The following LRP1B variants were observed in gnomAD, a reference collection of about 807,000 sequenced individuals.
The protein encoded by LRP1B is low-density lipoprotein receptor-related protein 1B.
Under a neutral mutation model 556.6 loss-of-function variants are expected in LRP1B, and 217 were observed. The observed-to-expected ratio is 0.39, with a 90% CI of 0.35 to 0.44. The LOEUF (loss-of-function observed/expected upper bound fraction) is 0.44, where lower values mean the gene tolerates loss of function less well. Among genes scored for constraint, LRP1B ranks in the 20% least tolerant of loss-of-function variants. The pLI, the probability that LRP1B is intolerant of heterozygous loss-of-function variation, is 1.00. For synonymous variants in LRP1B, 2,047 were observed against 1,865.8 expected, an observed-to-expected ratio of 1.10 and a Z score of -2.50; for missense variants, 5,053 against 5,620.8, an observed-to-expected ratio of 0.90 and a Z score of 3.23.
intron 1 of LRP1B, among the ~76,000 whole-genome samples, chr2:141,961,781 T>C (rs1208477370): frequency 6.6e-6 from 1 of 151,698 alleles, no homozygotes; most frequent in Non-Finnish European, 1.5e-5. Context: ...TTAAAAAATT[T>C]AGATCTCTGT....
rs564834485 is a variant in LRP1B, at chr2:140,528,691, C to T, written c.7763-2341G>A. Among the ~76,000 whole-genome samples the T allele has an allele frequency of 3.3e-5, 5 of 151,560 alleles. No individual in the cohort carries two copies. In the East Asian group the frequency reaches 7.8e-4, roughly 24 times the overall value. ...TTAGACAGGGTGATGAAAGTTGTTG[C>T]AGAGTTTTGTAAGCAGTAGGAGCAA... On this transcript the variant is annotated intron_variant, in intron 47 of 90. Transcript: ENST00000389484.
chr2:141,028,311 T>C (rs1698272737), intron 11 of LRP1B, among the ~76,000 whole-genome samples: 1 of 151,688 alleles, frequency 6.6e-6, no homozygotes, highest in Non-Finnish European at 1.5e-5. Flanking sequence ...TAATAACTTA[T>C]TCATATAAGT....
intron 17 of LRP1B, among the ~76,000 whole-genome samples, chr2:140,983,737 A>G (rs1696840147): frequency 6.6e-6 from 1 of 152,062 alleles, no homozygotes; most frequent in Admixed American, 6.6e-5. Flanking sequence ...AAAATTAGAA[A>G]TATCAGGAAA....
intron 2 of LRP1B, among the ~76,000 whole-genome samples, chr2:141,512,952 G>T (rs569439696): frequency 6.6e-6 from 1 of 151,960 alleles, no homozygotes; most frequent in East Asian, 1.9e-4. Flanking sequence ...ATACATTACC[G>T]CATTAAAGAA....
chr2:141,398,620 G>A (rs1282055241), intron 3 of LRP1B, among the ~76,000 whole-genome samples: 1 of 152,132 alleles, frequency 6.6e-6, no homozygotes, highest in Admixed American at 6.5e-5. Flanking sequence ...AGACTCTGGA[G>A]AGAAAATTAA....
chr2:141,878,788 C>A (rs1369535), intron 1 of LRP1B, among the ~76,000 whole-genome samples: 26,388 of 151,784 alleles, frequency 0.17, 2,652 homozygotes, highest in East Asian at 0.34. Flanking sequence ...ATGAATAGTA[C>A]TCTATCTTAC....
intron 2 of LRP1B, among the ~76,000 whole-genome samples, chr2:141,712,958 G>A (rs1274727778): frequency 6.6e-6 from 1 of 150,958 alleles, no homozygotes; most frequent in African/African-American, 2.4e-5. Context: ...GATTACAGGT[G>A]TGAGCCACGA....
At chr2:141,548,797 C>T (rs1354570516) in intron 2 of LRP1B, among the ~76,000 whole-genome samples, 2 of 152,046 alleles carry the variant, frequency 1.3e-5, no homozygotes, top group Admixed American at 1.3e-4. Flanking sequence ...ATAAGACATC[C>T]AGTATTTATG....
chr2:140,528,067 A>G (rs1217659391), intron 47 of LRP1B, among the ~76,000 whole-genome samples: 1 of 151,866 alleles, frequency 6.6e-6, no homozygotes, highest in Non-Finnish European at 1.5e-5. Context: ...CACCATCACA[A>G]TCTGCCTCCA....
intron 35 of LRP1B, among the ~76,000 whole-genome samples, chr2:140,738,682 C>T (rs550319342): frequency 1.5e-4 from 23 of 152,270 alleles, no homozygotes; most frequent in Admixed American, 1.4e-3. Context: ...CCTTTCTCCT[C>T]CACAGGTGTC....
At chr2:141,525,709 T>C (rs1005693622) in intron 2 of LRP1B, among the ~76,000 whole-genome samples, 1 of 151,966 alleles carries the variant, frequency 6.6e-6, no homozygotes, top group Non-Finnish European at 1.5e-5. Flanking sequence ...TCACTGGTCA[T>C]AGGAGAAAAT....
rs557147080 is a variant in LRP1B at position 141,226,636 on chromosome 2, A to G, written c.850+2547T>C. The stretch of plus-strand genomic sequence containing the variant: ...AAACAGTGGATAGTGACAGGTATTC[A>G]GGCTGACTTCCATCAGTTCATTATT... On this transcript the variant is annotated intron_variant, in intron 6 of 90. Transcript: ENST00000389484. Among the ~76,000 whole-genome samples the G allele has an allele frequency of 6.6e-5, 10 of 152,316 alleles. No individual in the cohort carries two copies. In the South Asian group the frequency reaches 1.9e-3, roughly 28 times the overall value.
At chr2:141,748,505 G>T (rs1693992374) in intron 2 of LRP1B, among the ~76,000 whole-genome samples, 1 of 152,098 alleles carries the variant, frequency 6.6e-6, no homozygotes, top group Admixed American at 6.6e-5. Context: ...AGTGCCTCTG[G>T]GCAAGGCACT....
At chr2:141,049,254 T>C (rs527332363) in intron 10 of LRP1B, 32 bp from the exon 11 acceptor site, 1 of 1,369,446 alleles carries the variant, frequency 7.3e-7, no homozygotes, top group East Asian at 2.3e-5. Context: ...CACAAACAAC[T>C]GATGCTGCTT....
intron 1 of LRP1B, among the ~76,000 whole-genome samples, chr2:142,031,337 T>TTTTTTTTTTA (rs1703697226): frequency 8.0e-6 from 1 of 125,736 alleles, no homozygotes. Flanking sequence ...CTTATTTTTT[T>TTTTTTTTTTA]TTTTTTTTTT....
intron 20 of LRP1B, among the ~76,000 whole-genome samples, chr2:140,936,700 AGACT>A (rs1429664405): frequency 2.0e-5 from 3 of 152,178 alleles, no homozygotes; most frequent in Non-Finnish European, 4.4e-5. Context: ...ATGATTTAAA[AGACT>A]AACTTTGAAA....
chr2:140,478,795 G>T (rs1688091178), intron 59 of LRP1B, among the ~76,000 whole-genome samples: 1 of 151,954 alleles, frequency 6.6e-6, no homozygotes, highest in Non-Finnish European at 1.5e-5. Context: ...GTCACTGTGA[G>T]TATTAAATGA....
chr2:140,391,824 A>G (rs1158335715), intron 66 of LRP1B, among the ~76,000 whole-genome samples: 1 of 152,208 alleles, frequency 6.6e-6, no homozygotes, highest in Non-Finnish European at 1.5e-5. Flanking sequence ...ATTTGAGGCT[A>G]CCATGTTTTT....
At chr2:141,277,806 A>T (rs1047928948) in intron 3 of LRP1B, among the ~76,000 whole-genome samples, 1 of 152,016 alleles carries the variant, frequency 6.6e-6, no homozygotes, top group East Asian at 1.9e-4. Flanking sequence ...AGTGGTGCAG[A>T]TACAAGATAA....
Sources: allele counts gnomAD v4.1 joint callset (sites outside exome capture counted in the v4.1 genomes callset), GRCh38; gene constraint gnomAD v4.1.1; transcripts MANE v1.5; gene names NCBI Gene and HGNC (gene_info 2026-07-23, HGNC 2026-07-21).